PDCD1LG2: variants seen among roughly 807,000 people sequenced by gnomAD.
PDCD1LG2 encodes the protein programmed cell death 1 ligand 2, also known as B7 dendritic cell molecule.
Under a neutral mutation model 28.2 loss-of-function variants are expected in PDCD1LG2, and 32 were observed. The observed-to-expected ratio is 1.13, with a 90% confidence interval of 0.86 to 1.52. The LOEUF (loss-of-function observed/expected upper bound fraction) is 1.52, where lower values mean the gene tolerates loss of function less well. Among genes scored for constraint, PDCD1LG2 ranks in the 40% most tolerant of loss-of-function variants. The pLI, the probability that PDCD1LG2 is intolerant of heterozygous loss-of-function variation, is 0.00. For synonymous variants in PDCD1LG2, 116 were observed against 120.2 expected (o/e 0.97, Z 0.23); for missense variants, 385 against 323.8 (o/e 1.19, Z -1.45).
intron 3 of PDCD1LG2, among the ~76,000 whole-genome samples, chr9:5,548,087 G>T (rs879294108): frequency 4.6e-5 from 7 of 151,854 alleles, no homozygotes; most frequent in Non-Finnish European, 8.8e-5. Context: ...AATACAGAAT[G>T]CATTAACTGT....
chr9:5,519,297 G>A (rs992581647), intron 1 of PDCD1LG2, among the ~76,000 whole-genome samples: 2 of 152,182 alleles, frequency 1.3e-5, no homozygotes, highest in Admixed American at 1.3e-4. Flanking sequence ...TGAGGCAGTT[G>A]TGGGTATGGG....
At chr9:5,517,627 G>C (rs1381944345) in intron 1 of PDCD1LG2, among the ~76,000 whole-genome samples, 1 of 152,178 alleles carries the variant, frequency 6.6e-6, no homozygotes, top group African/African-American at 2.4e-5. Context: ...TCTGGCTGCA[G>C]AATCAACTGC....
intron 3 of PDCD1LG2, among the ~76,000 whole-genome samples, chr9:5,538,699 A>G (rs1820632388): frequency 6.6e-6 from 1 of 152,138 alleles, no homozygotes; most frequent in South Asian, 2.1e-4. Context: ...AAAAAAGAAA[A>G]AAAAAAAAAA....
At chr9:5,566,134 C>T (rs953582323) in intron 6 of PDCD1LG2, among the ~76,000 whole-genome samples, 2 of 152,174 alleles carry the variant, frequency 1.3e-5, no homozygotes, top group African/African-American at 4.8e-5. Context: ...ATCCCGCACT[C>T]TCATTTTGTG....
chr9:5,560,461 G>A (rs889195285), intron 5 of PDCD1LG2, among the ~76,000 whole-genome samples: 2 of 152,146 alleles, frequency 1.3e-5, no homozygotes, highest in African/African-American at 2.4e-5. Flanking sequence ...TGCTGGTTCC[G>A]ATCCCCACAC....
intron 2 of PDCD1LG2, among the ~76,000 whole-genome samples, chr9:5,527,103 A>G (rs1820394177): frequency 6.6e-6 from 1 of 152,258 alleles, no homozygotes; most frequent in African/African-American, 2.4e-5. Context: ...TTGAAGTGAA[A>G]AATTAGGGTA....
chr9:5,548,254 C>G (rs893981122), intron 3 of PDCD1LG2, among the ~76,000 whole-genome samples: 1 of 152,186 alleles, frequency 6.6e-6, no homozygotes, highest in Non-Finnish European at 1.5e-5. Flanking sequence ...CATACATTAT[C>G]TGTCTTTTTG....
At chr9:5,566,341 C>T (rs1036811762) in intron 6 of PDCD1LG2, among the ~76,000 whole-genome samples, 6 of 152,202 alleles carry the variant, frequency 3.9e-5, no homozygotes, top group African/African-American at 1.4e-4. Context: ...TCAGTATTAG[C>T]GCTGTTTCAC....
chr9:5,512,414 G>C (rs928460489), intron 1 of PDCD1LG2, among the ~76,000 whole-genome samples: 2 of 152,076 alleles, frequency 1.3e-5, no homozygotes, highest in African/African-American at 4.8e-5. Context: ...TAGTCTTCAC[G>C]GCTCCCTATG....
Position 5,570,856 on chromosome 9 carries a change from C to A in PDCD1LG2, c.*897C>A. ...TGACTTTAAATTTGACTTTTCAGTG[C>A]CTCAGTTTGCACATCTGTAATACAG... On this transcript the variant is annotated 3_prime_UTR_variant, in exon 7 of 7. Coordinates refer to ENST00000397747, the MANE Select transcript of PDCD1LG2 (RefSeq NM_025239.4). 4.3e-6 allele frequency: 1 copy of A among 232,816 alleles called. No homozygotes were observed. Among genetic ancestry groups the A allele is most frequent in the Non-Finnish European group, 8.5e-6 (1 of 117,808 alleles). The allele number at this position is 232,816 out of a possible 1,614,324, so 14.4% of individuals were successfully genotyped here.
chr9:5,552,638 C>T (rs1158434903), intron 4 of PDCD1LG2, among the ~76,000 whole-genome samples: 2 of 152,122 alleles, frequency 1.3e-5, no homozygotes, highest in Non-Finnish European at 2.9e-5. Flanking sequence ...ATATCTGATG[C>T]TTTATGCCAA....
intron 1 of PDCD1LG2, among the ~76,000 whole-genome samples, chr9:5,519,870 C>G (rs900152999): frequency 6.6e-6 from 1 of 152,202 alleles, no homozygotes; most frequent in Non-Finnish European, 1.5e-5. Flanking sequence ...AGATTTCCCT[C>G]TTTTTCTCAA....
Position 5,535,069 on chromosome 9 carries a change from T to G in PDCD1LG2, c.361+19T>G. 1 of 1,572,030 alleles carries G rather than the reference T, an allele frequency of 6.4e-7. No individual in the cohort carries two copies. Among genetic ancestry groups the G allele is most frequent in the Non-Finnish European group, 8.6e-7 (1 of 1,158,550 alleles). ...GTCAAAGGTGAGTGGTGTCAAGGAC[T>G]AGAATCCATGGAAGCATCTCTCCAA... On this transcript the variant is annotated intron_variant, in intron 3 of 6. Coordinates refer to ENST00000397747, the MANE Select transcript of PDCD1LG2 (RefSeq NM_025239.4).
intron 3 of PDCD1LG2, among the ~76,000 whole-genome samples, chr9:5,548,875 A>G (rs1339197928): frequency 6.6e-6 from 1 of 152,216 alleles, no homozygotes; most frequent in East Asian, 1.9e-4. Context: ...AATACCAAAT[A>G]AAGTGAGATA....
intron 3 of PDCD1LG2, among the ~76,000 whole-genome samples, chr9:5,540,750 CCAGA>C (rs1820671773): frequency 6.6e-6 from 1 of 152,022 alleles, no homozygotes; most frequent in South Asian, 2.1e-4. Flanking sequence ...AAATCCAGGA[CCAGA>C]CAGATTCATA....
chr9:5,533,251 AT>A (rs1236278631), intron 2 of PDCD1LG2, among the ~76,000 whole-genome samples: 2 of 152,258 alleles, frequency 1.3e-5, no homozygotes, highest in Non-Finnish European at 1.5e-5. Context: ...ATACCCATTC[AT>A]TAATGATGGA....
At chr9:5,547,987 T>A (rs1816247753) in intron 3 of PDCD1LG2, among the ~76,000 whole-genome samples, 1 of 149,314 alleles carries the variant, frequency 6.7e-6, no homozygotes. Context: ...ACATATCACA[T>A]CACCAAGTTG....
At chr9:5,556,025 C>T (rs188752211) in intron 4 of PDCD1LG2, among the ~76,000 whole-genome samples, 4 of 152,336 alleles carry the variant, frequency 2.6e-5, no homozygotes, top group African/African-American at 9.6e-5. Context: ...TCCATATTGG[C>T]ACTTTTCATG....
rs2129875869 is a variant in PDCD1LG2 at position 5,549,458 on chromosome 9, C to T, written c.485C>T (p.Ala162Val). ...TCCTGGCCAAACGTCAGCGTTCCTG[C>T]CAACACCAGCCACTCCAGGACCCCT... Reference protein sequence around the residue: ...EVSWPNVSVPANTSHSRTPEG... With the variant: ...EVSWPNVSVPVNTSHSRTPEG... Residue 162 changes from alanine to valine, a missense_variant, in exon 4 of 7, where the codon GCC becomes GTC. Ala to Val is a moderately conservative substitution (Grantham distance 64). Transcript: ENST00000397747. 6.2e-7 allele frequency: 1 copy of T among 1,614,184 alleles called. No homozygotes were observed. Among genetic ancestry groups the T allele is most frequent in the Non-Finnish European group, 8.5e-7 (1 of 1,180,036 alleles).
Sources: allele counts gnomAD v4.1 joint callset (sites outside exome capture counted in the v4.1 genomes callset), GRCh38; gene constraint gnomAD v4.1.1; transcripts MANE v1.5; gene names NCBI Gene and HGNC (gene_info 2026-07-23, HGNC 2026-07-21).